The following RSPO2 variants were observed in gnomAD, a reference collection of about 807,000 sequenced individuals.
The protein encoded by RSPO2 is R-spondin-2.
In RSPO2, 14 loss-of-function variants were observed where a neutral mutation model predicts 30.9. That is an observed-to-expected ratio of 0.45 (90% CI 0.30 to 0.71). RSPO2 has a LOEUF of 0.71. Among genes scored for constraint, RSPO2 ranks in the 30% least tolerant of loss-of-function variants. RSPO2 has a pLI of 0.08. For missense variants in RSPO2, 264 were observed against 301.9 expected (o/e 0.87, Z 0.93); for synonymous variants, 107 against 96.4 (o/e 1.11, Z -0.64).
intron 2 of RSPO2, among the ~76,000 whole-genome samples, chr8:108,075,480 CAAA>C (rs147639316): frequency 8.0e-6 from 1 of 124,864 alleles, no homozygotes. Flanking sequence ...AATTCCATCT[CAAA>C]AAAAAAAAAA....
chr8:107,938,618 T>G (rs540330883), intron 5 of RSPO2, among the ~76,000 whole-genome samples: 8 of 152,194 alleles, frequency 5.3e-5, no homozygotes, highest in Non-Finnish European at 1.2e-4. Flanking sequence ...AAGCACAGAT[T>G]CAGTAAAAAG....
chr8:108,075,476 A>G (rs1004884273), intron 2 of RSPO2, among the ~76,000 whole-genome samples: 2 of 149,980 alleles, frequency 1.3e-5, no homozygotes, highest in African/African-American at 2.5e-5. Flanking sequence ...GCGAAATTCC[A>G]TCTCAAAAAA....
At chr8:108,023,209 C>A (rs781780065) in intron 2 of RSPO2, among the ~76,000 whole-genome samples, 6 of 152,174 alleles carry the variant, frequency 3.9e-5, no homozygotes, top group Non-Finnish European at 7.4e-5. Flanking sequence ...ATACTAAGAA[C>A]AATCTCTCTT....
intron 3 of RSPO2, among the ~76,000 whole-genome samples, chr8:107,973,795 C>T (rs1263855876): frequency 1.3e-5 from 2 of 152,156 alleles, no homozygotes; most frequent in African/African-American, 2.4e-5. Flanking sequence ...CCCCCATCTT[C>T]TTCCCTTCCT....
At chr8:108,045,423 T>G (rs1318789138) in intron 2 of RSPO2, among the ~76,000 whole-genome samples, 1 of 152,076 alleles carries the variant, frequency 6.6e-6, no homozygotes, top group Non-Finnish European at 1.5e-5. Flanking sequence ...AATTCCTGTA[T>G]AGGTCAAGAA....
rs1202578165 is a variant in RSPO2 at position 107,966,468 on chromosome 8, G to A, written c.284-5651C>T. ...AGACACAGCGAGCTGGAGAGTGAAC[G>A]TTTTCAGAAAGTTAACCTTCCTGAA... On this transcript the variant is annotated intron_variant, in intron 3 of 5. Transcript: ENST00000276659. Among the ~76,000 whole-genome samples the A allele has an allele frequency of 2.6e-5, 4 of 152,246 alleles. No homozygotes were observed. The East Asian group carries it at 7.7e-4, about 29-fold the overall frequency.
At chr8:107,977,427 T>C (rs55840555) in intron 3 of RSPO2, among the ~76,000 whole-genome samples, 1 of 152,260 alleles carries the variant, frequency 6.6e-6, no homozygotes, top group Non-Finnish European at 1.5e-5. Flanking sequence ...GTGGTTCTGA[T>C]GCACACTTTG....
Position 107,900,580 on chromosome 8 carries a change from T to A in RSPO2, c.*495A>T, listed in dbSNP as rs1811421630. The A allele has an allele frequency of 6.5e-6, 1 of 153,002 alleles. No homozygotes were observed. Among genetic ancestry groups the A allele is most frequent in the Admixed American group, 6.5e-5 (1 of 15,348 alleles). The allele number at this position is 153,002 out of a possible 1,614,324, so 9.5% of individuals were successfully genotyped here. A position where few individuals can be genotyped will look rare whatever the true frequency, so the allele number is the denominator to read the frequency against. The stretch of plus-strand genomic sequence containing the variant: ...ACTGAGCAGGAATTTCCAGAGCATA[T>A]CCTCAGCTAAAAGCAGTTTCATCGC... On this transcript the variant is annotated 3_prime_UTR_variant, in exon 6 of 6. Transcript: ENST00000276659.
chr8:108,042,548 T>A (rs1811790591), intron 2 of RSPO2, among the ~76,000 whole-genome samples: 1 of 152,104 alleles, frequency 6.6e-6, no homozygotes, highest in Non-Finnish European at 1.5e-5. Flanking sequence ...GCCAAGTTAA[T>A]TAGAATGGCA....
chr8:107,917,736 G>A (rs78145718), intron 5 of RSPO2, among the ~76,000 whole-genome samples: 3,669 of 152,186 alleles, frequency 0.024, 67 homozygotes, highest in Non-Finnish European at 0.034. Flanking sequence ...GTATAAATAC[G>A]TTACTGGTGT....
At chr8:107,983,371 G>T in intron 3 of RSPO2, 1 of 1,609,046 alleles carries the variant, frequency 6.2e-7, no homozygotes, top group Non-Finnish European at 8.5e-7. Flanking sequence ...AAGATTGAAA[G>T]CCCAGCAGAA....
intron 2 of RSPO2, among the ~76,000 whole-genome samples, chr8:108,081,290 T>A (rs932299295): frequency 1.1e-4 from 17 of 151,958 alleles, no homozygotes; most frequent in African/African-American, 4.1e-4. Context: ...TAAAAAGCCA[T>A]CAAAAAAATA....
intron 2 of RSPO2, among the ~76,000 whole-genome samples, chr8:108,010,340 T>C (rs1275255221): frequency 2.0e-5 from 3 of 152,096 alleles, no homozygotes; most frequent in African/African-American, 4.8e-5. Context: ...CCCTGACAAA[T>C]GTGGGAAACA....
At chr8:107,950,026 G>T (rs1813190526) in intron 5 of RSPO2, among the ~76,000 whole-genome samples, 1 of 152,180 alleles carries the variant, frequency 6.6e-6, no homozygotes, top group Admixed American at 6.6e-5. Flanking sequence ...TCCACCATGT[G>T]ATTCCCCACT....
Position 107,901,172 on chromosome 8 carries a change from G to C in RSPO2, c.635C>G (p.Ala212Gly). The change falls in exon 6 of 6, where the codon GCG becomes GGG. Residue 212 changes from alanine to glycine, a missense_variant. Coordinates refer to ENST00000276659, the MANE Select transcript of RSPO2 (RefSeq NM_178565.5). ...CTTTTTCTTGTTCCTCTTCTCCTTCGCCTTTGGTGTTCTCTTCCCTGCAAT... is the reference window on the plus strand; with the variant it reads ...CTTTTTCTTGTTCCTCTTCTCCTTCCCCTTTGGTGTTCTCTTCCCTGCAAT... Reference protein sequence around the residue: ...HCPGGKRTPKAKEKRNKKKKR... With the variant: ...HCPGGKRTPKGKEKRNKKKKR... The C allele has an allele frequency of 1.2e-6, 2 of 1,613,222 alleles. No individual in the cohort carries two copies. Among genetic ancestry groups the C allele is most frequent in the Non-Finnish European group, 1.7e-6 (2 of 1,179,638 alleles).
chr8:107,976,237 C>A (rs1316701277), intron 3 of RSPO2, among the ~76,000 whole-genome samples: 6 of 152,164 alleles, frequency 3.9e-5, no homozygotes, highest in Non-Finnish European at 7.3e-5. Flanking sequence ...TTATGATGGG[C>A]AGTTGAACTG....
intron 2 of RSPO2, among the ~76,000 whole-genome samples, chr8:108,052,513 A>G (rs1812105643): frequency 6.6e-6 from 1 of 152,198 alleles, no homozygotes; most frequent in Non-Finnish European, 1.5e-5. Context: ...AATGAATTTT[A>G]AAGTGTTTCA....
chr8:108,082,078 G>C (rs1227029225), intron 2 of RSPO2: 2 of 211,158 alleles, frequency 9.5e-6, no homozygotes, highest in East Asian at 3.6e-4. Context: ...CACTATGCTA[G>C]GTCAAGTCCG....
intron 2 of RSPO2, among the ~76,000 whole-genome samples, chr8:108,027,422 T>A (rs934728196): frequency 6.6e-6 from 1 of 152,200 alleles, no homozygotes. Flanking sequence ...AAATGAAGTA[T>A]CTATCTGGTA....
Sources: gnomAD v4.1 joint callset for allele counts (sites outside exome capture counted in the v4.1 genomes callset) on GRCh38, gnomAD v4.1.1 for gene constraint, MANE v1.5 for transcripts, NCBI Gene and HGNC (gene_info 2026-07-23, HGNC 2026-07-21) for gene names.